The following CDH22 variants were observed in gnomAD, a reference collection of about 807,000 sequenced individuals.
CDH22 encodes the protein cadherin-22.
Under a neutral mutation model 58.4 loss-of-function variants are expected in CDH22, and 30 were observed. The observed-to-expected ratio is 0.51, with a 90% CI of 0.38 to 0.70. CDH22 has a LOEUF of 0.70. Ranked by LOEUF, CDH22 falls within the 30% of genes least tolerant of loss-of-function variation. The pLI, the probability that CDH22 is intolerant of heterozygous loss-of-function variation, is 0.00. For missense variants in CDH22, 1,014 were observed against 1,233.9 expected (o/e 0.82, Z 2.67); for synonymous variants, 513 against 558.2 (o/e 0.92, Z 1.14).
chr20:46,212,264 C>G (rs565807178), intron 6 of CDH22, among the ~76,000 whole-genome samples: 2 of 145,552 alleles, frequency 1.4e-5, no homozygotes, highest in African/African-American at 5.4e-5. Context: ...AGCATTCTGT[C>G]GCTGGAGATA....
chr20:46,251,138 C>A lies in CDH22; in HGVS notation c.157G>T (p.Gly53Cys). The change falls in exon 2 of 12, where the codon GGC (glycine) becomes TGC (cysteine). Residue 53 changes from glycine to cysteine, a missense_variant. Physicochemically the swap from Gly to Cys is radical, Grantham distance 159 (BLOSUM62 -3). This residue lies in a region of CDH22 where 806 missense variants were observed against 1,038.7 expected (regional missense o/e 0.78). Transcript: ENST00000537909. This position sits in a 1 kb window ranked among gnomAD's most constrained non-coding sequence, Gnocchi z 6.7. Reference sequence around the variant, plus strand: ...TTGACGCGGCCGGCTCCCAGCGCGCCGTCCTGCCGAGCTCCGGGCGCCGAC... The same window carrying A: ...TTGACGCGGCCGGCTCCCAGCGCGCAGTCCTGCCGAGCTCCGGGCGCCGAC... Reference protein sequence around the residue: ...SPSAPGARQDGALGAGRVKRG... With the variant: ...SPSAPGARQDCALGAGRVKRG... 2.5e-6 allele frequency: 4 copies of A among 1,601,374 alleles called. No homozygotes were observed. The highest frequency in any genetic ancestry group is 3.4e-6 in the Non-Finnish European group (4 of 1,174,592).
chr20:46,250,512 A>T (rs2086363750), intron 2 of CDH22, among the ~76,000 whole-genome samples: 1 of 152,196 alleles, frequency 6.6e-6, no homozygotes, highest in African/African-American at 2.4e-5. Context: ...AGGGCAGTTC[A>T]GCAGGAGAAA....
chr20:46,265,226 G>A (rs1233950844), intron 1 of CDH22, among the ~76,000 whole-genome samples: 2 of 152,150 alleles, frequency 1.3e-5, no homozygotes, highest in African/African-American at 4.8e-5. Flanking sequence ...CCGGATGGGG[G>A]CAGGGCCCTG....
Position 46,226,462 on chromosome 20 carries a change from T to A in CDH22, c.670+1046A>T, listed in dbSNP as rs151022343. 1.8e-3 allele frequency among the ~76,000 whole-genome samples: 266 copies of A among 151,976 alleles called. 2 individuals carry two copies. Among genetic ancestry groups the A allele is most frequent in the African/African-American group, 6.0e-3 (248 of 41,448 alleles). On this transcript the variant is annotated intron_variant, in intron 4 of 11. Transcript: ENST00000537909. ...CACTATGCCTAGCTAATTTTTTCTT[T>A]TGTAGAGATGGGTTCTCTCTGTGTT...
intron 4 of CDH22, among the ~76,000 whole-genome samples, chr20:46,223,752 T>A: frequency 6.7e-6 from 1 of 148,568 alleles, no homozygotes; most frequent in African/African-American, 2.5e-5. Context: ...TCTTTCCTCT[T>A]TCTTTTTCTT....
intron 1 of CDH22, among the ~76,000 whole-genome samples, chr20:46,268,137 A>G (rs940276586): frequency 6.6e-6 from 1 of 152,270 alleles, no homozygotes; most frequent in African/African-American, 2.4e-5. Context: ...GAGGGCTGTC[A>G]GCAGCTACAG....
chr20:46,237,386 T>A (rs2086260909), intron 3 of CDH22, among the ~76,000 whole-genome samples: 1 of 152,074 alleles, frequency 6.6e-6, no homozygotes, highest in Admixed American at 6.6e-5. Context: ...GCCTTTCATG[T>A]CCCAAGCTGC....
intron 6 of CDH22, among the ~76,000 whole-genome samples, 160 bp downstream of exon 6, chr20:46,212,835 G>A (rs951404358): frequency 1.3e-5 from 2 of 152,136 alleles, no homozygotes; most frequent in South Asian, 2.1e-4. Flanking sequence ...TTTGCAAAAG[G>A]GGAATGATAC....
intron 4 of CDH22, among the ~76,000 whole-genome samples, chr20:46,225,823 T>C (rs1475570862): frequency 6.6e-6 from 1 of 152,148 alleles, no homozygotes; most frequent in Non-Finnish European, 1.5e-5. Context: ...TCTTTAATGT[T>C]TGAATGTTTT....
chr20:46,219,176 T>G (rs1454789402), intron 4 of CDH22, among the ~76,000 whole-genome samples: 1 of 152,034 alleles, frequency 6.6e-6, no homozygotes, highest in East Asian at 1.9e-4. Flanking sequence ...ATGGAATGGG[T>G]GTTCTGCCTA....
intron 1 of CDH22, among the ~76,000 whole-genome samples, chr20:46,252,902 G>C (rs1388261295): frequency 6.6e-6 from 1 of 152,254 alleles, no homozygotes; most frequent in African/African-American, 2.4e-5. Context: ...AAAGTAGGCG[G>C]GAGACAATCA....
At chr20:46,222,171 G>C (rs2086131360) in intron 4 of CDH22, among the ~76,000 whole-genome samples, 1 of 152,198 alleles carries the variant, frequency 6.6e-6, no homozygotes, top group Non-Finnish European at 1.5e-5. Context: ...TTTTGGAGAT[G>C]CCTTGCTGAT....
At position 46,210,410 on chromosome 20, in the gene CDH22, G is replaced by A. The variant is rs746658972; in HGVS notation, c.1183C>T (p.Arg395Trp). The change falls in exon 7 of 12, where the codon CGG (arginine) becomes TGG (tryptophan). Residue 395 changes from arginine to tryptophan, a missense_variant. Arg to Trp is a moderately radical substitution (Grantham distance 101). This residue lies in a region of CDH22 where 806 missense variants were observed against 1,038.7 expected (regional missense o/e 0.78). Coordinates refer to ENST00000537909, the MANE Select transcript of CDH22 (RefSeq NM_021248.3). The surrounding 1 kb of genome is among the most constrained non-coding windows in gnomAD (Gnocchi z 4.5). ...ACCTCCAGGAGGCCGGAGGGCGGCCGGAACTCGGGGGGCTCGTCCACGTCG... is the reference window on the plus strand; with the variant it reads ...ACCTCCAGGAGGCCGGAGGGCGGCCAGAACTCGGGGGGCTCGTCCACGTCG... Reference protein sequence around the residue: ...VTDVDEPPEFRPPSGLLEVQE... With the variant: ...VTDVDEPPEFWPPSGLLEVQE... The A allele has an allele frequency of 6.9e-7, 1 of 1,459,798 alleles. No individual in the cohort carries two copies. Among genetic ancestry groups the A allele is most frequent in the Non-Finnish European group, 9.0e-7 (1 of 1,106,140 alleles). 90.4% of individuals were successfully genotyped at this position (1,459,798 alleles called of 1,614,324 possible). A position where few individuals can be genotyped will look rare whatever the true frequency, so the allele number is the denominator to read the frequency against.
intron 3 of CDH22, among the ~76,000 whole-genome samples, chr20:46,231,351 A>G (rs2086219736): frequency 1.3e-5 from 2 of 152,120 alleles, no homozygotes. Context: ...ATCTCTTGGG[A>G]GCTTTAAATA....
At chr20:46,235,384 G>A (rs565274184) in intron 3 of CDH22, among the ~76,000 whole-genome samples, 3 of 152,306 alleles carry the variant, frequency 2.0e-5, no homozygotes, top group East Asian at 1.9e-4. Context: ...CCCTGTTGAT[G>A]TATGCAGCAT....
intron 4 of CDH22, among the ~76,000 whole-genome samples, chr20:46,221,159 G>A (rs367929735): frequency 1.8e-4 from 28 of 152,262 alleles, no homozygotes; most frequent in African/African-American, 6.3e-4. Context: ...CCAGCGACCC[G>A]ACAGCTGACT....
chr20:46,246,173 C>T lies in CDH22; in HGVS notation c.255+4867G>A, dbSNP rs137984422. ...GTTTTCCTTATTAAAGACAATTAAACGGACAGTGCGGCTACGCAAATAAAA... is the reference window on the plus strand; with the variant it reads ...GTTTTCCTTATTAAAGACAATTAAATGGACAGTGCGGCTACGCAAATAAAA... On this transcript the variant is annotated intron_variant, in intron 2 of 11. Coordinates refer to ENST00000537909, the MANE Select transcript of CDH22 (RefSeq NM_021248.3). 3.4e-3 allele frequency among the ~76,000 whole-genome samples: 518 copies of T among 152,334 alleles called. 2 individuals are homozygous for T. The highest frequency in any genetic ancestry group is 0.01 in the Middle Eastern group (3 of 294).
intron 11 of CDH22, among the ~76,000 whole-genome samples, chr20:46,175,940 C>A (rs1393805059): frequency 6.6e-6 from 1 of 152,228 alleles, no homozygotes; most frequent in Non-Finnish European, 1.5e-5. Flanking sequence ...GCCTGGCATG[C>A]AGTAAGCACT....
chr20:46,244,728 G>C (rs911610327), intron 2 of CDH22, among the ~76,000 whole-genome samples: 9 of 152,362 alleles, frequency 5.9e-5, no homozygotes, highest in Admixed American at 5.9e-4. Flanking sequence ...GAGAAAAGGG[G>C]AAGGGGGGAA....
Sources: gnomAD v4.1 joint callset for allele counts (sites outside exome capture counted in the v4.1 genomes callset) on GRCh38, gnomAD v4.1.1 for gene constraint, gnomAD v4.1.1 regional missense constraint, Gnocchi (gnomAD v3.1) non-coding constraint, MANE v1.5 for transcripts, NCBI Gene and HGNC (gene_info 2026-07-23, HGNC 2026-07-21) for gene names.